Variants in SKAP2 observed in about 807,000 individuals in gnomAD.
SKAP2 encodes src kinase-associated phosphoprotein 2.
A neutral mutation model predicts 54.9 loss-of-function variants in SKAP2; 28 were observed. The observed-to-expected ratio is 0.51, with a 90% CI of 0.38 to 0.70. The LOEUF (loss-of-function observed/expected upper bound fraction) is 0.70. Among genes scored for constraint, SKAP2 ranks in the 30% least tolerant of loss-of-function variants. SKAP2 has a pLI of 0.00. For missense variants in SKAP2, 356 were observed against 424.1 expected, an observed-to-expected ratio of 0.84 and a Z score of 1.41; for synonymous variants, 137 against 134.3, an observed-to-expected ratio of 1.02 and a Z score of -0.14.
intron 4 of SKAP2, among the ~76,000 whole-genome samples, chr7:26,768,881 C>T (rs1284943379): frequency 6.6e-6 from 1 of 152,090 alleles, no homozygotes; most frequent in Non-Finnish European, 1.5e-5. Context: ...CTCTGGCTGC[C>T]CTTAACATTT....
intron 6 of SKAP2, among the ~76,000 whole-genome samples, chr7:26,730,208 T>C (rs867631086): frequency 3.3e-5 from 5 of 152,220 alleles, no homozygotes; most frequent in Admixed American, 6.6e-5. Context: ...TTCACCATTA[T>C]GTGGTAAGTC....
At chr7:26,730,234 T>C (rs993669103) in intron 6 of SKAP2, among the ~76,000 whole-genome samples, 2 of 152,216 alleles carry the variant, frequency 1.3e-5, no homozygotes, top group African/African-American at 4.8e-5. Context: ...AATTTACATA[T>C]AGATTAGTTC....
intron 9 of SKAP2, among the ~76,000 whole-genome samples, chr7:26,714,241 C>A (rs573320432): frequency 1.3e-5 from 2 of 152,152 alleles, no homozygotes; most frequent in South Asian, 4.1e-4. Context: ...ATGCAGGAGG[C>A]AGATTTGGGA....
chr7:26,747,463 C>T (rs1454264127), intron 4 of SKAP2, among the ~76,000 whole-genome samples: 1 of 152,058 alleles, frequency 6.6e-6, no homozygotes, highest in Non-Finnish European at 1.5e-5. Flanking sequence ...AATCTCCTCC[C>T]TCCTCTGTAA....
At chr7:26,715,033 C>A (rs1423334071) in intron 9 of SKAP2, among the ~76,000 whole-genome samples, 1 of 152,050 alleles carries the variant, frequency 6.6e-6, no homozygotes, top group Non-Finnish European at 1.5e-5. Context: ...AGATACAAAT[C>A]CTATCGTGTG....
At chr7:26,788,512 A>C (rs1783606079) in intron 4 of SKAP2, among the ~76,000 whole-genome samples, 1 of 152,206 alleles carries the variant, frequency 6.6e-6, no homozygotes, top group African/African-American at 2.4e-5. Context: ...ATATGTCATA[A>C]ATTAAATAAC....
At chr7:26,705,588 A>C (rs1167232105) in intron 9 of SKAP2, among the ~76,000 whole-genome samples, 1 of 152,212 alleles carries the variant, frequency 6.6e-6, no homozygotes. Flanking sequence ...GTTTTATTAT[A>C]AACAACTTTA....
chr7:26,670,019 G>T, intron 12 of SKAP2, 72 bp downstream of exon 12: 1 of 648,130 alleles, frequency 1.5e-6, no homozygotes, highest in South Asian at 2.1e-5. Flanking sequence ...TTTTAAAAAG[G>T]CAAAGACTCA....
chr7:26,830,176 C>T (rs1166742313), intron 4 of SKAP2, among the ~76,000 whole-genome samples: 2 of 152,132 alleles, frequency 1.3e-5, no homozygotes, highest in East Asian at 3.8e-4. Flanking sequence ...GAAATATCCA[C>T]ATTATATAAA....
At chr7:26,658,973 C>G in the SKAP2 span, among the ~76,000 whole-genome samples, 25 of 152,202 alleles carry the variant, frequency 1.6e-4, no homozygotes, top group African/African-American at 5.8e-4. Flanking sequence ...GGCCAGACCT[C>G]ATTAGAATTC....
Position 26,669,549 on chromosome 7 carries a change from G to C in SKAP2, c.*117C>G, listed in dbSNP as rs1379249697. ...GCGACTGCATAAAATAACAGTCAAA[G>C]ATAAGTAATGTTTAATAAAACAAGG... On this transcript the variant is annotated 3_prime_UTR_variant, in exon 13 of 13. Coordinates refer to ENST00000345317, the MANE Select transcript of SKAP2 (RefSeq NM_003930.5). 3.3e-5 allele frequency: 5 copies of C among 152,198 alleles called. No individual in the cohort carries two copies. The highest frequency in any genetic ancestry group is 1.5e-5 in the Non-Finnish European group (1 of 68,010). The allele number at this position is 152,198 out of a possible 1,614,324, so 9.4% of individuals were successfully genotyped here. A position where few individuals can be genotyped will look rare whatever the true frequency, so the allele number is the denominator to read the frequency against.
chr7:26,738,493 G>A (rs1028932949), intron 6 of SKAP2, among the ~76,000 whole-genome samples: 1 of 152,100 alleles, frequency 6.6e-6, no homozygotes, highest in Non-Finnish European at 1.5e-5. Context: ...AACTTTTCCA[G>A]AAATTCTACA....
chr7:26,855,961 G>A (rs1273827296), intron 1 of SKAP2, among the ~76,000 whole-genome samples: 2 of 151,874 alleles, frequency 1.3e-5, no homozygotes, highest in Non-Finnish European at 1.5e-5. Context: ...ACAATATTAC[G>A]TATAAATAGT....
At chr7:26,841,182 ACTCT>A (rs1784809649) in intron 4 of SKAP2, among the ~76,000 whole-genome samples, 2 of 152,132 alleles carry the variant, frequency 1.3e-5, no homozygotes, top group East Asian at 1.9e-4. Flanking sequence ...AGCTGTGGCT[ACTCT>A]AGTCTCTCAT....
At chr7:26,847,536 C>A (rs573792846) in intron 3 of SKAP2, among the ~76,000 whole-genome samples, 59 of 151,508 alleles carry the variant, frequency 3.9e-4, no homozygotes, top group Admixed American at 7.2e-4. Context: ...TTATGTAATA[C>A]AAAACTGAAC....
chr7:26,758,912 C>T (rs568768603), intron 4 of SKAP2, among the ~76,000 whole-genome samples: 3 of 152,272 alleles, frequency 2.0e-5, no homozygotes, highest in South Asian at 2.1e-4. Context: ...AAAATACAAA[C>T]GGATTTTTGG....
chr7:26,729,889 C>T (rs1787786295), intron 6 of SKAP2, among the ~76,000 whole-genome samples: 1 of 152,144 alleles, frequency 6.6e-6, no homozygotes, highest in South Asian at 2.1e-4. Context: ...ACAAAATGTG[C>T]TGTTGTTTAA....
chr7:26,826,830 A>G (rs1467833824), intron 4 of SKAP2, among the ~76,000 whole-genome samples: 3 of 152,242 alleles, frequency 2.0e-5, no homozygotes, highest in Non-Finnish European at 2.9e-5. Context: ...AGCTAAAAGT[A>G]AAATCTATTG....
At chr7:26,791,533 C>T (rs1003203580) in intron 4 of SKAP2, among the ~76,000 whole-genome samples, 17 of 152,092 alleles carry the variant, frequency 1.1e-4, no homozygotes, top group African/African-American at 3.9e-4. Flanking sequence ...GAACCATAAA[C>T]CAAACCAATC....
Sources: gnomAD v4.1 joint callset for allele counts (sites outside exome capture counted in the v4.1 genomes callset) on GRCh38, gnomAD v4.1.1 for gene constraint, MANE v1.5 for transcripts, NCBI Gene and HGNC (gene_info 2026-07-23, HGNC 2026-07-21) for gene names.